ADAMTS14: variants seen among roughly 807,000 people sequenced by gnomAD.
The protein encoded by ADAMTS14 is A disintegrin and metalloproteinase with thrombospondin motifs 14.
ADAMTS14 carries 100 observed loss-of-function variants against 128.6 expected under a neutral mutation model. The ratio of observed to expected loss-of-function variants is 0.78; its 90% CI spans 0.66 to 0.92. The LOEUF (loss-of-function observed/expected upper bound fraction) is 0.92. ADAMTS14 is among the 40% of genes least tolerant of loss of function. The probability of loss-of-function intolerance (pLI) is 0.00; values close to 1 mark genes in which losing one functional copy is unlikely to be tolerated. For missense variants in ADAMTS14, 1,562 were observed against 1,658.6 expected (o/e 0.94, Z 1.01); for synonymous variants, 665 against 653.8 (o/e 1.02, Z -0.26).
chr10:70,696,443 C>T (rs1840334882), intron 2 of ADAMTS14, among the ~76,000 whole-genome samples: 1 of 152,116 alleles, frequency 6.6e-6, no homozygotes, highest in African/African-American at 2.4e-5. Context: ...TGCAACAGAA[C>T]CTCAGCTTCA....
At chr10:70,702,516 G>T (rs772276663) in intron 3 of ADAMTS14, 48 bp downstream of exon 3, 9 of 1,551,068 alleles carry the variant, frequency 5.8e-6, no homozygotes, top group Non-Finnish European at 7.8e-6. Context: ...CCTACCTCTG[G>T]AGTGTTTCCC....
intron 2 of ADAMTS14, among the ~76,000 whole-genome samples, chr10:70,694,597 T>A (rs917196590): frequency 8.5e-5 from 13 of 152,256 alleles, no homozygotes; most frequent in Non-Finnish European, 1.9e-4. Context: ...GCCTATTCTA[T>A]TTGTTTGAAG....
intron 8 of ADAMTS14, among the ~76,000 whole-genome samples, chr10:70,734,609 C>A (rs10999497): frequency 0.27 from 41,730 of 152,118 alleles, 6,043 homozygotes; most frequent in Non-Finnish European, 0.33. Flanking sequence ...CCTGGCTGGT[C>A]AGCTCCTGGG....
At chr10:70,733,247 T>C (rs1841707639) in intron 7 of ADAMTS14, among the ~76,000 whole-genome samples, 1 of 152,190 alleles carries the variant, frequency 6.6e-6, no homozygotes. Context: ...GATGCAGCCA[T>C]CTGGGAATGT....
intron 4 of ADAMTS14, among the ~76,000 whole-genome samples, chr10:70,711,586 C>G (rs529938766): frequency 6.6e-6 from 1 of 152,196 alleles, no homozygotes; most frequent in Non-Finnish European, 1.5e-5. Context: ...CTAGCACATG[C>G]CTGGCACATA....
rs963836635 is a variant in ADAMTS14, at chr10:70,760,618, G to A, written c.3437G>A (p.Gly1146Asp). 1.9e-6 allele frequency: 3 copies of A among 1,614,118 alleles called. No homozygotes were observed. Among genetic ancestry groups the A allele is most frequent in the Non-Finnish European group, 2.5e-6 (3 of 1,180,004 alleles). Residue 1146 changes from glycine to aspartate, a missense_variant, in exon 22 of 22, where the codon GGC (glycine) becomes GAC (aspartate). Transcript: ENST00000373207. ...ACGGGATCAGAGGACCATCAGCATG[G>A]CCGAGCCACACAGCTCCCAGGAGCT... ...KPTGSEDHQH[G>D]RATQLPGALD...
chr10:70,758,319 C>T (rs4747097), intron 21 of ADAMTS14, 34 bp downstream of exon 21: 423,903 of 1,579,340 alleles, frequency 0.27, 58,204 homozygotes, highest in East Asian at 0.39. Context: ...CCCTGCTCCC[C>T]AGACCTTTCA....
chr10:70,733,875 C>A lies in ADAMTS14; in HGVS notation c.1209-10C>A, dbSNP rs1319348401. 1 of 1,610,086 alleles carries A rather than the reference C, an allele frequency of 6.2e-7. No individual in the cohort carries two copies. The highest frequency in any genetic ancestry group is 1.7e-5 in the Admixed American group (1 of 59,880). ...GATGTATCAGGACTCCTCTGTCTTC[C>A]CCATTCCAGGCTCGGCATGGAGCAT... On this transcript the variant is annotated splice_polypyrimidine_tract_variant and intron_variant, in intron 7 of 21. Coordinates refer to ENST00000373207, the MANE Select transcript of ADAMTS14 (RefSeq NM_080722.4).
chr10:70,709,779 C>T (rs1033668823), intron 4 of ADAMTS14, among the ~76,000 whole-genome samples: 4 of 152,158 alleles, frequency 2.6e-5, no homozygotes, highest in Non-Finnish European at 5.9e-5. Flanking sequence ...GGATTACAGG[C>T]GTGAGCCACC....
intron 16 of ADAMTS14, among the ~76,000 whole-genome samples, 168 bp downstream of exon 16, chr10:70,750,153 C>T (rs553251120): frequency 1.9e-4 from 29 of 152,352 alleles, no homozygotes; most frequent in African/African-American, 7.0e-4. Flanking sequence ...GCTTAAAAGC[C>T]TGCAGGATGG....
rs765239854 is a variant in ADAMTS14 at position 70,743,557 on chromosome 10, A to T, written c.1934A>T (p.Lys645Met). ...GTCCCTCTCCCTACAGACGCCCAGA[A>T]GTGTGAGCTGATCTGCCAGTCGGCG... ...VPYEPDDDAQ[K>M]CELICQSADT... is the part of the protein sequence containing the mutation. The change falls in exon 13 of 22, where the codon AAG becomes ATG. Residue 645 changes from lysine to methionine, a missense_variant. By Grantham distance (95) the Lys-to-Met change is moderately conservative. Transcript: ENST00000373207. 1.2e-6 allele frequency: 2 copies of T among 1,612,216 alleles called. No individual in the cohort carries two copies. Among genetic ancestry groups the T allele is most frequent in the Non-Finnish European group, 8.5e-7 (1 of 1,179,542 alleles).
intron 2 of ADAMTS14, among the ~76,000 whole-genome samples, chr10:70,678,236 A>G (rs1839702630): frequency 6.6e-6 from 1 of 152,186 alleles, no homozygotes; most frequent in South Asian, 2.1e-4. Flanking sequence ...GCTTCCTTCA[A>G]TCTTCTGAAG....
intron 4 of ADAMTS14, among the ~76,000 whole-genome samples, chr10:70,719,731 T>C (rs1484708622): frequency 1.3e-5 from 2 of 152,232 alleles, no homozygotes; most frequent in African/African-American, 4.8e-5. Flanking sequence ...AACTAACAGA[T>C]GCCATTGATC....
At chr10:70,709,686 G>A (rs1840781843) in intron 4 of ADAMTS14, among the ~76,000 whole-genome samples, 1 of 152,026 alleles carries the variant, frequency 6.6e-6, no homozygotes, top group Non-Finnish European at 1.5e-5. Context: ...ATTTTTAGTA[G>A]AGACGGGATT....
At chr10:70,722,878 T>C (rs1261109095) in intron 4 of ADAMTS14, among the ~76,000 whole-genome samples, 1 of 152,206 alleles carries the variant, frequency 6.6e-6, no homozygotes, top group Non-Finnish European at 1.5e-5. Context: ...AGTTTATTCA[T>C]GTAGAGACTC....
At chr10:70,750,053 C>T (rs2541229) in intron 16 of ADAMTS14, 68 bp downstream of exon 16, 471,540 of 1,571,276 alleles carry the variant, frequency 0.3, 71,935 homozygotes, top group Admixed American at 0.45. Context: ...GCTACATCTG[C>T]TGCCAAGCCA....
chr10:70,754,898 GCC>G (rs770222664), intron 19 of ADAMTS14, among the ~76,000 whole-genome samples: 11,802 of 152,190 alleles, frequency 0.078, 613 homozygotes, highest in Middle Eastern at 0.12. Context: ...GACCCTGGAG[GCC>G]ACCTTCGGGA....
rs185266148 is a variant in ADAMTS14 at position 70,746,018 on chromosome 10, C to T, written c.2263+712C>T. 1.3e-3 allele frequency among the ~76,000 whole-genome samples: 194 copies of T among 152,076 alleles called. 1 individual carries two copies. The highest frequency in any genetic ancestry group is 4.4e-3 in the African/African-American group (183 of 41,456). ...ATTAGTCCAAATCACATGGACAAGC[C>T]CAGATTTAAGGGGTAGAAACATAGA... is the stretch of plus-strand genomic sequence containing the variant. On this transcript the variant is annotated intron_variant, in intron 15 of 21. Coordinates refer to ENST00000373207, the MANE Select transcript of ADAMTS14 (RefSeq NM_080722.4).
chr10:70,736,576 C>T (rs899829746), intron 9 of ADAMTS14, 104 bp from the exon 10 acceptor site: 21 of 1,016,342 alleles, frequency 2.1e-5, no homozygotes, highest in Non-Finnish European at 2.7e-5. Flanking sequence ...CTGCAGTGCC[C>T]TGGGTGCCTG....
Sources: allele counts gnomAD v4.1 joint callset (sites outside exome capture counted in the v4.1 genomes callset), GRCh38; gene constraint gnomAD v4.1.1; transcripts MANE v1.5; gene names NCBI Gene and HGNC (gene_info 2026-07-23, HGNC 2026-07-21).